EPB41L4A: variants seen among roughly 807,000 people sequenced by gnomAD.
EPB41L4A encodes the protein erythrocyte membrane protein band 4.1 like 4A.
A neutral mutation model predicts 108.6 loss-of-function variants in EPB41L4A; 100 were observed. The observed-to-expected ratio is 0.92, with a 90% CI of 0.78 to 1.09. The LOEUF is 1.09. Among genes scored for constraint, EPB41L4A ranks in the 50% least tolerant of loss-of-function variants. The pLI is 0.00. For synonymous variants in EPB41L4A, 319 were observed against 289.0 expected (o/e 1.10, Z -1.05); for missense variants, 1,030 against 842.7 (o/e 1.22, Z -2.75).
intron 1 of EPB41L4A, among the ~76,000 whole-genome samples, chr5:112,360,127 T>A (rs1471539427): frequency 6.6e-6 from 1 of 152,116 alleles, no homozygotes; most frequent in Admixed American, 6.5e-5. Flanking sequence ...TCCAACAATT[T>A]GTAAAAGTAA....
chr5:112,392,084 T>A (rs1406795916), intron 1 of EPB41L4A, among the ~76,000 whole-genome samples: 1 of 151,878 alleles, frequency 6.6e-6, no homozygotes, highest in East Asian at 1.9e-4. Flanking sequence ...GCACTAAACA[T>A]GGAAAGGAAC....
intron 18 of EPB41L4A, among the ~76,000 whole-genome samples, chr5:112,180,303 T>C (rs1467470583): frequency 3.3e-5 from 5 of 151,842 alleles, no homozygotes; most frequent in Admixed American, 1.3e-4. Flanking sequence ...AAAGCCAAAG[T>C]TGGAGAATTT....
intron 11 of EPB41L4A, among the ~76,000 whole-genome samples, chr5:112,236,179 C>G (rs1327718203): frequency 1.3e-5 from 2 of 152,088 alleles, no homozygotes; most frequent in Admixed American, 6.5e-5. Context: ...CTCATGGTTT[C>G]TCTCTAGGAA....
At chr5:112,157,724 AATATTAATCAC>A (rs763486746), downstream of EPB41L4A, among the ~76,000 whole-genome samples, 7 of 152,186 alleles carry the variant, frequency 4.6e-5, no homozygotes, top group Non-Finnish European at 1.0e-4. Context: ...CAAGGTTCCT[AATATTAATCAC>A]ATATGCAAAG....
chr5:112,212,990 A>G (rs1747321285), intron 12 of EPB41L4A, among the ~76,000 whole-genome samples: 1 of 152,256 alleles, frequency 6.6e-6, no homozygotes, highest in South Asian at 2.1e-4. Context: ...TATTTTTAAA[A>G]AGAAAAATTG....
At chr5:112,370,489 C>T (rs964296488) in intron 1 of EPB41L4A, among the ~76,000 whole-genome samples, 8 of 152,122 alleles carry the variant, frequency 5.3e-5, no homozygotes, top group African/African-American at 1.9e-4. Flanking sequence ...ATTTACAAAA[C>T]ACCCTCCTAA....
At chr5:112,243,529 G>T (rs1436989236) in intron 9 of EPB41L4A, among the ~76,000 whole-genome samples, 1 of 152,110 alleles carries the variant, frequency 6.6e-6, no homozygotes, top group Non-Finnish European at 1.5e-5. Flanking sequence ...TCTCGTTATA[G>T]CTATGAAAGT....
At chr5:112,169,256 A>G (rs1760436913) in intron 20 of EPB41L4A, 151 bp from the exon 21 acceptor site, 1 of 632,616 alleles carries the variant, frequency 1.6e-6, no homozygotes, top group African/African-American at 1.8e-5. Flanking sequence ...GAGTGACTTA[A>G]ATTTCACAAG....
At chr5:112,359,627 G>A (rs1010565327) in intron 1 of EPB41L4A, among the ~76,000 whole-genome samples, 1 of 151,042 alleles carries the variant, frequency 6.6e-6, no homozygotes, top group Non-Finnish European at 1.5e-5. Context: ...TGCCAGCTCC[G>A]CCTCCCGGGT....
At chr5:112,334,349 T>C (rs1213133416) in intron 1 of EPB41L4A, among the ~76,000 whole-genome samples, 4 of 152,016 alleles carry the variant, frequency 2.6e-5, no homozygotes, top group African/African-American at 9.7e-5. Flanking sequence ...CTGTGTAGAA[T>C]CTCTTTCCCA....
At chr5:112,265,466 C>T (rs191387468) in intron 5 of EPB41L4A, among the ~76,000 whole-genome samples, 22 of 152,276 alleles carry the variant, frequency 1.4e-4, no homozygotes, top group Admixed American at 3.3e-4. Flanking sequence ...CAATGCTGCA[C>T]ATATCCCATT....
chr5:112,307,563 A>C, intron 1 of EPB41L4A, 73 bp from the exon 2 acceptor site: 2 of 931,682 alleles, frequency 2.1e-6, no homozygotes, highest in Non-Finnish European at 3.4e-6. Flanking sequence ...CATGGTTCTC[A>C]TCTTTTATTA....
chr5:112,399,745 G>A (rs1248959509), intron 1 of EPB41L4A, among the ~76,000 whole-genome samples: 2 of 151,834 alleles, frequency 1.3e-5, no homozygotes, highest in Non-Finnish European at 2.9e-5. Context: ...AATGGCTTCA[G>A]GCCCTTCACC....
At chr5:112,329,149 A>G (rs1756384707) in intron 1 of EPB41L4A, among the ~76,000 whole-genome samples, 1 of 152,150 alleles carries the variant, frequency 6.6e-6, no homozygotes, top group African/African-American at 2.4e-5. Flanking sequence ...TAAAATACAC[A>G]CTGGATTTTG....
intron 1 of EPB41L4A, among the ~76,000 whole-genome samples, chr5:112,406,661 G>A (rs1762091167): frequency 6.6e-6 from 1 of 152,062 alleles, no homozygotes; most frequent in Admixed American, 6.6e-5. Flanking sequence ...GGCGCAGTTA[G>A]GAGTATGGGA....
In EPB41L4A at chr5:112,313,940, T is replaced by A. The variant is rs190228716; in HGVS notation, c.100-6450A>T. 6.0e-3 allele frequency among the ~76,000 whole-genome samples: 840 copies of A among 140,232 alleles called. 10 individuals are homozygous for A. The highest frequency in any genetic ancestry group is 0.021 in the African/African-American group (783 of 37,196). The allele number at this position is 140,232 out of a possible 152,430, so 92.0% of individuals were successfully genotyped here. On this transcript the variant is annotated intron_variant, in intron 1 of 22. Coordinates refer to ENST00000261486, the MANE Select transcript of EPB41L4A (RefSeq NM_022140.5). ...GTGCAGTGGCGCAATCTCCGCTCACTGCAAGCTCCGCCTCCCGGGTTCACG... is the reference window on the plus strand; with the variant it reads ...GTGCAGTGGCGCAATCTCCGCTCACAGCAAGCTCCGCCTCCCGGGTTCACG...
intron 12 of EPB41L4A, among the ~76,000 whole-genome samples, chr5:112,210,641 A>T (rs1407269781): frequency 6.6e-6 from 1 of 152,172 alleles, no homozygotes; most frequent in African/African-American, 2.4e-5. Flanking sequence ...GGAAGTCATG[A>T]TCGAAATAAA....
chr5:112,232,848 C>T (rs989063126), intron 12 of EPB41L4A, among the ~76,000 whole-genome samples: 1 of 152,200 alleles, frequency 6.6e-6, no homozygotes, highest in African/African-American at 2.4e-5. Context: ...CCTTGCCCCA[C>T]CTCACAGGGT....
chr5:112,368,105 G>A (rs538244670), intron 1 of EPB41L4A, among the ~76,000 whole-genome samples: 14 of 152,266 alleles, frequency 9.2e-5, no homozygotes, highest in African/African-American at 3.4e-4. Context: ...TCGAAATGCA[G>A]CAAAGGAAAC....
Sources: gnomAD v4.1 joint callset for allele counts (sites outside exome capture counted in the v4.1 genomes callset) on GRCh38, gnomAD v4.1.1 for gene constraint, MANE v1.5 for transcripts, NCBI Gene and HGNC (gene_info 2026-07-23, HGNC 2026-07-21) for gene names.